The following SPHKAP variants were observed in gnomAD, a reference collection of about 807,000 sequenced individuals.
The protein encoded by SPHKAP is A-kinase anchor protein SPHKAP.
A neutral mutation model predicts 137.5 loss-of-function variants in SPHKAP; 67 were observed. That is an observed-to-expected ratio of 0.49 (90% CI 0.40 to 0.60). The LOEUF (loss-of-function observed/expected upper bound fraction) is 0.60. SPHKAP is among the 20% of genes least tolerant of loss of function. The pLI, the probability that SPHKAP is intolerant of heterozygous loss-of-function variation, is 0.00. For synonymous variants in SPHKAP, 813 were observed against 785.3 expected, an observed-to-expected ratio of 1.04 and a Z score of -0.59; for missense variants, 2,097 against 2,069.3, an observed-to-expected ratio of 1.01 and a Z score of -0.26.
chr2:228,081,334 A>G (rs549504700), intron 3 of SPHKAP, among the ~76,000 whole-genome samples: 1 of 152,292 alleles, frequency 6.6e-6, no homozygotes, highest in South Asian at 2.1e-4. Context: ...CTTTGGAGAA[A>G]GGCACAGACC....
At chr2:228,069,248 C>T (rs1696929265) in intron 3 of SPHKAP, among the ~76,000 whole-genome samples, 1 of 152,170 alleles carries the variant, frequency 6.6e-6, no homozygotes, top group East Asian at 1.9e-4. Flanking sequence ...GCCTGGGCGA[C>T]AAGAGCAAAA....
intron 3 of SPHKAP, among the ~76,000 whole-genome samples, chr2:228,081,907 C>T (rs535103808): frequency 1.3e-5 from 2 of 152,074 alleles, no homozygotes; most frequent in East Asian, 3.9e-4. Context: ...AACAATGTGT[C>T]GTATTCCTGA....
At chr2:228,147,185 T>C (rs767546088) in intron 1 of SPHKAP, among the ~76,000 whole-genome samples, 4 of 152,326 alleles carry the variant, frequency 2.6e-5, no homozygotes, top group Admixed American at 1.3e-4. Context: ...GGGTCAATAA[T>C]GGCACCACTT....
intron 2 of SPHKAP, among the ~76,000 whole-genome samples, chr2:228,123,902 C>T (rs941262821): frequency 6.6e-6 from 1 of 152,080 alleles, no homozygotes; most frequent in African/African-American, 2.4e-5. Flanking sequence ...AATGAAACAA[C>T]CCCATCAAAA....
intron 3 of SPHKAP, among the ~76,000 whole-genome samples, chr2:228,080,047 A>T (rs1242928226): frequency 6.6e-6 from 1 of 151,748 alleles, no homozygotes; most frequent in Non-Finnish European, 1.5e-5. Flanking sequence ...AAACAAAAGC[A>T]TTGTTACTTG....
intron 1 of SPHKAP, among the ~76,000 whole-genome samples, chr2:228,158,817 A>G (rs1363432877): frequency 6.6e-6 from 1 of 152,180 alleles, no homozygotes; most frequent in South Asian, 2.1e-4. Flanking sequence ...TTTGCTGCTC[A>G]GTTTTTGGCA....
At chr2:228,159,308 T>G (rs934730139) in intron 1 of SPHKAP, among the ~76,000 whole-genome samples, 1 of 151,058 alleles carries the variant, frequency 6.6e-6, no homozygotes, top group Admixed American at 6.6e-5. Context: ...AGCAGGGGAG[T>G]TTTTAAGAGC....
chr2:227,997,199 T>C (rs1343566294), intron 7 of SPHKAP, among the ~76,000 whole-genome samples: 1 of 152,244 alleles, frequency 6.6e-6, no homozygotes, highest in Non-Finnish European at 1.5e-5. Flanking sequence ...CCCCTGCTTA[T>C]CAAGTTTCAT....
At chr2:228,132,582 G>T in intron 1 of SPHKAP, 1 of 749,156 alleles carries the variant, frequency 1.3e-6, no homozygotes, top group Non-Finnish European at 1.6e-6. Flanking sequence ...CCATTCCTGC[G>T]GCTGGAGATA....
At chr2:228,033,839 A>G (rs907861504) in intron 3 of SPHKAP, among the ~76,000 whole-genome samples, 2 of 152,234 alleles carry the variant, frequency 1.3e-5, no homozygotes, top group African/African-American at 4.8e-5. Context: ...AATGAGAACA[A>G]AGACACAACA....
intron 1 of SPHKAP, among the ~76,000 whole-genome samples, chr2:228,163,669 A>G (rs148625886): frequency 1.3e-5 from 2 of 152,330 alleles, no homozygotes; most frequent in African/African-American, 4.8e-5. Flanking sequence ...GAACATGGCA[A>G]TATAGCAACA....
chr2:228,179,282 A>G (rs1700829706), intron 1 of SPHKAP, among the ~76,000 whole-genome samples: 1 of 152,212 alleles, frequency 6.6e-6, no homozygotes. Context: ...ATATTTGCTG[A>G]TCATTGTTGG....
intron 3 of SPHKAP, among the ~76,000 whole-genome samples, chr2:228,098,814 G>GTT (rs35480556): frequency 1.3e-5 from 2 of 149,918 alleles, no homozygotes; most frequent in Admixed American, 1.3e-4. Context: ...TTTTAATGGG[G>GTT]TTTTTTTTGC....
chr2:228,081,470 G>A (rs1328580675), intron 3 of SPHKAP, among the ~76,000 whole-genome samples: 1 of 152,166 alleles, frequency 6.6e-6, no homozygotes, highest in Non-Finnish European at 1.5e-5. Flanking sequence ...TATGAAATAA[G>A]TATGTCAAAG....
At chr2:228,152,888 T>C (rs555583745) in intron 1 of SPHKAP, among the ~76,000 whole-genome samples, 3 of 152,298 alleles carry the variant, frequency 2.0e-5, no homozygotes, top group East Asian at 1.9e-4. Context: ...TCATCTTGAA[T>C]TGTAGCTCCC....
intron 3 of SPHKAP, among the ~76,000 whole-genome samples, chr2:228,095,796 A>C (rs1331241366): frequency 6.6e-6 from 1 of 152,184 alleles, no homozygotes; most frequent in Non-Finnish European, 1.5e-5. Flanking sequence ...TATATGCAAG[A>C]ATATAAGAGT....
At chr2:228,179,835 T>A (rs1047021973) in intron 1 of SPHKAP, among the ~76,000 whole-genome samples, 1 of 152,206 alleles carries the variant, frequency 6.6e-6, no homozygotes, top group Non-Finnish European at 1.5e-5. Context: ...AATGTTCCGG[T>A]ATTTGAATAG....
intron 1 of SPHKAP, among the ~76,000 whole-genome samples, chr2:228,145,206 A>T (rs191155506): frequency 6.6e-6 from 1 of 152,310 alleles, no homozygotes; most frequent in East Asian, 1.9e-4. Flanking sequence ...TCACACCACA[A>T]AAAGGAATGC....
At chr2:228,011,668 C>T (rs1694375405) in intron 7 of SPHKAP, among the ~76,000 whole-genome samples, 1 of 152,092 alleles carries the variant, frequency 6.6e-6, no homozygotes, top group African/African-American at 2.4e-5. Context: ...TACCAAACAT[C>T]CAAATCCATG....
Sources: gnomAD v4.1 joint callset for allele counts (sites outside exome capture counted in the v4.1 genomes callset) on GRCh38, gnomAD v4.1.1 for gene constraint, MANE v1.5 for transcripts, NCBI Gene and HGNC (gene_info 2026-07-23, HGNC 2026-07-21) for gene names.